Variants in MYPN observed in about 807,000 individuals in gnomAD.
MYPN encodes sarcomeric protein myopalladin, 145 kDa (MYOP).
Under a neutral mutation model 129.4 loss-of-function variants are expected in MYPN, and 63 were observed. That is an observed-to-expected ratio of 0.49 (90% confidence interval 0.40 to 0.60). The LOEUF (loss-of-function observed/expected upper bound fraction) is 0.60. MYPN is among the 20% of genes least tolerant of loss of function. The pLI is 0.00. For missense variants in MYPN, 1,596 were observed against 1,635.4 expected (o/e 0.98, Z 0.42); for synonymous variants, 629 against 600.9 (o/e 1.05, Z -0.68).
chr10:68,155,212 CA>C lies in MYPN; in HGVS notation c.1318-3266del, dbSNP rs200814835. Among the ~76,000 whole-genome samples the C allele has an allele frequency of 1.1e-4, 17 of 151,380 alleles. No homozygotes were observed. In the East Asian group the frequency reaches 2.9e-3, roughly 26 times the overall value. On this transcript the variant is annotated intron_variant, in intron 6 of 19. Coordinates refer to ENST00000358913, the MANE Select transcript of MYPN (RefSeq NM_032578.4). ...CAAAACAACAAAAAACAAAACAAAA[CA>C]AAAAAAACCCTTCCATTTCAGCTAA...
At chr10:68,189,756 T>A (rs1589603389) in intron 13 of MYPN, among the ~76,000 whole-genome samples, 2 of 152,248 alleles carry the variant, frequency 1.3e-5, no homozygotes, top group Admixed American at 6.5e-5. Context: ...ATTTTCTTTA[T>A]GTATTCATTC....
chr10:68,118,950 A>G (rs995609838), intron 1 of MYPN, among the ~76,000 whole-genome samples: 5 of 152,046 alleles, frequency 3.3e-5, no homozygotes, highest in Non-Finnish European at 7.3e-5. Context: ...CACAATAAAC[A>G]GTAATGTCCA....
At chr10:68,195,745 T>C (rs576345724) in intron 15 of MYPN, among the ~76,000 whole-genome samples, 34 of 152,286 alleles carry the variant, frequency 2.2e-4, no homozygotes, top group African/African-American at 7.9e-4. Flanking sequence ...AATTCCCAGG[T>C]GATCCACAAG....
chr10:68,161,969 C>A, intron 8 of MYPN: 1 of 417,912 alleles, frequency 2.4e-6, no homozygotes, highest in Admixed American at 4.1e-5. Flanking sequence ...TCAAGACCAG[C>A]CTGGCCTACA....
Position 68,122,351 on chromosome 10 carries a change from C to T in MYPN, c.902+11C>T. On this transcript the variant is annotated intron_variant, in intron 2 of 19. Coordinates refer to ENST00000358913, the MANE Select transcript of MYPN (RefSeq NM_032578.4). Reference sequence around the variant, plus strand: ...ACCACCTCAAGTAAGGTAAAAATGTCCCATTGGTAATGCTGAGTAATGTTG... The same window carrying T: ...ACCACCTCAAGTAAGGTAAAAATGTTCCATTGGTAATGCTGAGTAATGTTG... The T allele has an allele frequency of 6.2e-7, 1 of 1,612,116 alleles. No individual in the cohort carries two copies. The highest frequency in any genetic ancestry group is 8.5e-7 in the Non-Finnish European group (1 of 1,179,566).
At chr10:68,151,465 C>T (rs2042768953) in intron 6 of MYPN, among the ~76,000 whole-genome samples, 1 of 152,132 alleles carries the variant, frequency 6.6e-6, no homozygotes, top group African/African-American at 2.4e-5. Context: ...TTGGTGGATA[C>T]AAGACTTTGA....
chr10:68,103,880 C>G (rs2041993876), upstream of MYPN, among the ~76,000 whole-genome samples: 1 of 152,140 alleles, frequency 6.6e-6, no homozygotes, highest in Non-Finnish European at 1.5e-5. Flanking sequence ...AACCTGGGAG[C>G]TGGAGGTTGC....
chr10:68,126,836 A>G (rs1397371591), intron 2 of MYPN, among the ~76,000 whole-genome samples: 1 of 152,170 alleles, frequency 6.6e-6, no homozygotes, highest in East Asian at 1.9e-4. Flanking sequence ...GCAGGACTGA[A>G]AGTCAGATGA....
chr10:68,118,145 T>A (rs1201340921), intron 1 of MYPN, among the ~76,000 whole-genome samples: 1 of 152,086 alleles, frequency 6.6e-6, no homozygotes, highest in Non-Finnish European at 1.5e-5. Flanking sequence ...ATTGGCTTCT[T>A]TTCTTAAAAA....
rs1322926820 is a variant in MYPN, at chr10:68,182,456, TATATATA to T, written c.2704-6447_2704-6441del. ...ATATATATAACATATATATAACATATATATATAACATATATACACACACACACACACA... is the reference window on the plus strand; with the variant it reads ...ATATATATAACATATATATAACATATACATATATACACACACACACACACA... On this transcript the variant is annotated intron_variant, in intron 12 of 19. Transcript: ENST00000358913. Among the ~76,000 whole-genome samples the T allele has an allele frequency of 4.8e-4, 56 of 116,810 alleles. 1 individual carries two copies. Among genetic ancestry groups the T allele is most frequent in the African/African-American group, 1.7e-3 (50 of 29,094 alleles). 76.6% of individuals were successfully genotyped at this position (116,810 alleles called of 152,430 possible).
At position 68,174,053 on chromosome 10, in the gene MYPN, G is replaced by C. The variant is rs763286304; in HGVS notation, c.1974-13G>C. The stretch of plus-strand genomic sequence containing the variant: ...CATTTCCTTCTCTCTCTCCACCCTT[G>C]TTTTGTGTACAGTGATTCCACTCAG... On this transcript the variant is annotated splice_polypyrimidine_tract_variant and intron_variant, in intron 10 of 19. Coordinates refer to ENST00000358913, the MANE Select transcript of MYPN (RefSeq NM_032578.4). The C allele has an allele frequency of 5.0e-6, 8 of 1,589,570 alleles. No individual in the cohort carries two copies. The highest frequency in any genetic ancestry group is 8.6e-7 in the Non-Finnish European group (1 of 1,157,802).
At chr10:68,202,203 C>T (rs1010193133) in intron 18 of MYPN, among the ~76,000 whole-genome samples, 1 of 152,138 alleles carries the variant, frequency 6.6e-6, no homozygotes, top group African/African-American at 2.4e-5. Flanking sequence ...GAGGCCAAGG[C>T]GGGTGGATCA....
At chr10:68,125,041 T>TA (rs1037914452) in intron 2 of MYPN, among the ~76,000 whole-genome samples, 7 of 152,012 alleles carry the variant, frequency 4.6e-5, no homozygotes, top group South Asian at 2.1e-4. Context: ...ATAGATTGAT[T>TA]AAAACAAAAA....
At chr10:68,196,782 G>GC (rs942206678) in intron 15 of MYPN, among the ~76,000 whole-genome samples, 2 of 151,874 alleles carry the variant, frequency 1.3e-5, no homozygotes, top group Non-Finnish European at 2.9e-5. Flanking sequence ...ACCACACCTG[G>GC]CCCCCTCTCC....
chr10:68,122,393 A>G, intron 2 of MYPN, 53 bp downstream of exon 2: 1 of 1,578,352 alleles, frequency 6.3e-7, no homozygotes, highest in Non-Finnish European at 8.7e-7. Context: ...ATCTACCATG[A>G]CCCTCCCAAG....
intron 2 of MYPN, among the ~76,000 whole-genome samples, chr10:68,133,525 A>G (rs774795795): frequency 2.0e-4 from 30 of 152,080 alleles, no homozygotes; most frequent in Admixed American, 1.3e-4. Context: ...CATTGGTTTC[A>G]TGGTAAATCT....
chr10:68,130,171 C>G (rs1017786781), intron 2 of MYPN, among the ~76,000 whole-genome samples: 2 of 152,002 alleles, frequency 1.3e-5, no homozygotes, highest in Admixed American at 6.6e-5. Flanking sequence ...TTAAAATATC[C>G]TGTATAGACT....
intron 16 of MYPN, 25 bp downstream of exon 16, chr10:68,197,503 T>A: frequency 6.2e-7 from 1 of 1,612,932 alleles, no homozygotes; most frequent in Non-Finnish European, 8.5e-7. Flanking sequence ...CCATGCTTAG[T>A]TCCAGATCTG....
In MYPN at chr10:68,091,275, T is replaced by C. The variant is rs145570687; in HGVS notation, c.-2+3283T>C. On this transcript the variant is annotated intron_variant, in intron 1 of 6. Transcript: ENST00000685154. ...TCGGGTGGACAGTGCTGATTCTTTA[T>C]TCTCTGATTTCTCTTTCCTACCTGT... Among the ~76,000 whole-genome samples, 444 of 152,224 alleles carry C rather than the reference T, an allele frequency of 2.9e-3. 1 individual carries two copies. Among genetic ancestry groups the C allele is most frequent in the African/African-American group, 0.01 (432 of 41,534 alleles).
Sources: allele counts gnomAD v4.1 joint callset (sites outside exome capture counted in the v4.1 genomes callset), GRCh38; gene constraint gnomAD v4.1.1; transcripts MANE v1.5; gene names NCBI Gene and HGNC (gene_info 2026-07-23, HGNC 2026-07-21).